UNC5D: variants seen among roughly 807,000 people sequenced by gnomAD.
UNC5D encodes unc-5 netrin receptor D.
Under a neutral mutation model 105.4 loss-of-function variants are expected in UNC5D, and 39 were observed. The ratio of observed to expected loss-of-function variants is 0.37; its 90% CI spans 0.29 to 0.48. The LOEUF is 0.48. Ranked by LOEUF, UNC5D falls within the 20% of genes least tolerant of loss-of-function variation. The pLI, the probability that UNC5D is intolerant of heterozygous loss-of-function variation, is 0.98. For synonymous variants in UNC5D, 452 were observed against 450.4 expected (o/e 1.00, Z -0.04); for missense variants, 991 against 1,202.4 (o/e 0.82, Z 2.60).
intron 11 of UNC5D, among the ~76,000 whole-genome samples, chr8:35,738,183 C>T (rs750634978): frequency 6.6e-6 from 1 of 152,150 alleles, no homozygotes; most frequent in Non-Finnish European, 1.5e-5. Flanking sequence ...ATTCAGAAGT[C>T]TTGGGTTCCA....
intron 8 of UNC5D, among the ~76,000 whole-genome samples, chr8:35,714,545 A>G (rs889769930): frequency 1.3e-5 from 2 of 152,232 alleles, no homozygotes; most frequent in African/African-American, 4.8e-5. Flanking sequence ...AAGCCTGCCT[A>G]TTTAGAACTA....
Position 35,666,831 on chromosome 8 carries a change from G to A in UNC5D, c.571-16716G>A, listed in dbSNP as rs1057325733. ...AGTACCTATGACATGTAAAGGCAAT[G>A]TAATTTCATTTAAATTTCCCTCTGT... On this transcript the variant is annotated intron_variant, in intron 4 of 16. Coordinates refer to ENST00000404895, the MANE Select transcript of UNC5D (RefSeq NM_080872.4). Among the ~76,000 whole-genome samples the A allele has an allele frequency of 4.9e-4, 75 of 152,170 alleles. 1 individual carries two copies. Among genetic ancestry groups the A allele is most frequent in the Middle Eastern group, 3.2e-3 (1 of 316 alleles).
intron 1 of UNC5D, among the ~76,000 whole-genome samples, chr8:35,473,622 T>C (rs1809890063): frequency 6.6e-6 from 1 of 152,206 alleles, no homozygotes; most frequent in Non-Finnish European, 1.5e-5. Context: ...AAGTCAGTGT[T>C]CTCAACTGAG....
chr8:35,303,839 TA>T (rs1341559037), intron 1 of UNC5D, among the ~76,000 whole-genome samples: 1 of 152,198 alleles, frequency 6.6e-6, no homozygotes, highest in Non-Finnish European at 1.5e-5. Context: ...TGAGGACATG[TA>T]AATGATCAGC....
At chr8:35,699,331 G>A (rs188310887) in intron 7 of UNC5D, among the ~76,000 whole-genome samples, 1 of 152,244 alleles carries the variant, frequency 6.6e-6, no homozygotes, top group African/African-American at 2.4e-5. Flanking sequence ...TTTGACTAAG[G>A]GCAATTCAGG....
At chr8:35,333,115 A>T (rs1299498845) in intron 1 of UNC5D, among the ~76,000 whole-genome samples, 1 of 152,062 alleles carries the variant, frequency 6.6e-6, no homozygotes, top group Non-Finnish European at 1.5e-5. Context: ...TGGAAGTATG[A>T]GGTGAGAGGA....
chr8:35,628,050 A>G (rs561910660), intron 4 of UNC5D, among the ~76,000 whole-genome samples: 2 of 152,330 alleles, frequency 1.3e-5, no homozygotes, highest in East Asian at 1.9e-4. Context: ...ACCATGTTTC[A>G]TAGACCTAAT....
chr8:35,435,363 A>C (rs1417450174), intron 1 of UNC5D, among the ~76,000 whole-genome samples: 1 of 152,060 alleles, frequency 6.6e-6, no homozygotes, highest in Non-Finnish European at 1.5e-5. Flanking sequence ...CTCTGTCTTC[A>C]CTCCTACATT....
At chr8:35,747,043 G>T (rs1208220897) in intron 11 of UNC5D, among the ~76,000 whole-genome samples, 1 of 152,152 alleles carries the variant, frequency 6.6e-6, no homozygotes, top group East Asian at 1.9e-4. Flanking sequence ...ATGAAGACAT[G>T]ATCATCTTAA....
At chr8:35,420,781 T>A in intron 1 of UNC5D, among the ~76,000 whole-genome samples, 1 of 151,796 alleles carries the variant, frequency 6.6e-6, no homozygotes, top group East Asian at 1.9e-4. Flanking sequence ...CATTTCAGTG[T>A]GTTGGAATAA....
rs545900395 is a variant in UNC5D at position 35,375,513 on chromosome 8, T to G, written c.103+139626T>G. ...CACAAAAAAGGAACGTGAGTTACAG[T>G]TCAGACCATGCTCAGTGATGGCAAA... On this transcript the variant is annotated intron_variant, in intron 1 of 16. Transcript: ENST00000404895. Among the ~76,000 whole-genome samples, 26 of 152,066 alleles carry G rather than the reference T, an allele frequency of 1.7e-4. No homozygotes were observed. In the South Asian group the frequency reaches 5.0e-3, roughly 29 times the overall value.
intron 7 of UNC5D, among the ~76,000 whole-genome samples, chr8:35,687,577 C>A (rs756046486): frequency 1.3e-5 from 2 of 151,900 alleles, no homozygotes; most frequent in Non-Finnish European, 2.9e-5. Flanking sequence ...TGGCTTTATT[C>A]CTGAGATTAC....
chr8:35,745,979 A>ATTT (rs541202502), intron 11 of UNC5D, among the ~76,000 whole-genome samples: 4 of 145,294 alleles, frequency 2.8e-5, no homozygotes, highest in Non-Finnish European at 4.6e-5. Context: ...AAGAAGGCTC[A>ATTT]TTTTTTTTTT....
chr8:35,274,078 G>A (rs189956192), intron 1 of UNC5D, among the ~76,000 whole-genome samples: 112 of 152,046 alleles, frequency 7.4e-4, no homozygotes, highest in Non-Finnish European at 9.7e-4. Flanking sequence ...GGTCTGAATG[G>A]AGCTCATTTT....
At chr8:35,505,044 T>G (rs1812217884) in intron 1 of UNC5D, among the ~76,000 whole-genome samples, 1 of 152,204 alleles carries the variant, frequency 6.6e-6, no homozygotes, top group Admixed American at 6.5e-5. Context: ...TTGGATTGTT[T>G]GTAGCACAAA....
intron 4 of UNC5D, among the ~76,000 whole-genome samples, chr8:35,601,707 G>T (rs1014117339): frequency 2.0e-5 from 3 of 152,148 alleles, no homozygotes; most frequent in African/African-American, 7.2e-5. Flanking sequence ...GGGCTGAGAC[G>T]ATGGGATTTT....
chr8:35,719,701 T>C lies in UNC5D; in HGVS notation c.1118-2509T>C, dbSNP rs116010624. Reference sequence around the variant, plus strand: ...AATGTTTGTTGAATTAGTGAAATTATTATAAGCTGAATTTTATAATTCCCA... The same window carrying C: ...AATGTTTGTTGAATTAGTGAAATTACTATAAGCTGAATTTTATAATTCCCA... On this transcript the variant is annotated intron_variant, in intron 8 of 16. Coordinates refer to ENST00000404895, the MANE Select transcript of UNC5D (RefSeq NM_080872.4). Among the ~76,000 whole-genome samples the C allele has an allele frequency of 2.5e-3, 377 of 152,308 alleles. 7 individuals are homozygous for C. Among genetic ancestry groups the C allele is most frequent in the African/African-American group, 8.8e-3 (365 of 41,566 alleles).
At chr8:35,338,803 C>T (rs1373018503) in intron 1 of UNC5D, among the ~76,000 whole-genome samples, 1 of 152,120 alleles carries the variant, frequency 6.6e-6, no homozygotes, top group Non-Finnish European at 1.5e-5. Flanking sequence ...CCTGATTTGC[C>T]TTGTTAAATG....
intron 1 of UNC5D, among the ~76,000 whole-genome samples, chr8:35,406,943 T>G (rs1334500570): frequency 6.6e-6 from 1 of 152,150 alleles, no homozygotes; most frequent in African/African-American, 2.4e-5. Context: ...TGTGTATACA[T>G]GCATATATAT....
Sources: gnomAD v4.1 joint callset for allele counts (sites outside exome capture counted in the v4.1 genomes callset) on GRCh38, gnomAD v4.1.1 for gene constraint, MANE v1.5 for transcripts, NCBI Gene and HGNC (gene_info 2026-07-23, HGNC 2026-07-21) for gene names.